The following SERPINA4 variants were observed in gnomAD, a reference collection of about 807,000 sequenced individuals.
The protein encoded by SERPINA4 is kallistatin.
Under a neutral mutation model 25.4 loss-of-function variants are expected in SERPINA4, and 24 were observed. That is an observed-to-expected ratio of 0.95 (90% confidence interval 0.69 to 1.33). SERPINA4 has a LOEUF of 1.33. Among genes scored for constraint, SERPINA4 ranks in the 40% most tolerant of loss-of-function variants. The probability of loss-of-function intolerance (pLI) is 0.00; values close to 1 mark genes in which losing one functional copy is unlikely to be tolerated. For synonymous variants in SERPINA4, 242 were observed against 223.6 expected (o/e 1.08, Z -0.73); for missense variants, 553 against 535.8 (o/e 1.03, Z -0.32).
chr14:94,569,802 T>A lies in SERPINA4; in HGVS notation c.*207T>A. ...CCACACCCTGGTGCTGTGCAGCCTCTGGCAGAGCATCCGACCTCTTGGAGC... is the reference window on the plus strand; with the variant it reads ...CCACACCCTGGTGCTGTGCAGCCTCAGGCAGAGCATCCGACCTCTTGGAGC... On this transcript the variant is annotated 3_prime_UTR_variant, in exon 5 of 5. Coordinates refer to ENST00000557004, the MANE Select transcript of SERPINA4 (RefSeq NM_006215.4). 1 of 599,432 alleles carries A rather than the reference T, an allele frequency of 1.7e-6. No individual in the cohort carries two copies. Among genetic ancestry groups the A allele is most frequent in the East Asian group, 2.8e-5 (1 of 35,534 alleles). 37.1% of individuals were successfully genotyped at this position (599,432 alleles called of 1,614,324 possible). A position where few individuals can be genotyped will look rare whatever the true frequency, so the allele number is the denominator to read the frequency against.
At chr14:94,565,054 A>G (rs1902160092) in intron 2 of SERPINA4, among the ~76,000 whole-genome samples, 1 of 152,204 alleles carries the variant, frequency 6.6e-6, no homozygotes, top group African/African-American at 2.4e-5. Flanking sequence ...AGTCAATGGT[A>G]AGGAGATCAT....
Position 94,563,659 on chromosome 14 carries a change from CT to C in SERPINA4, c.179del (p.Phe60SerfsTer6). The C allele has an allele frequency of 6.2e-7, 1 of 1,613,926 alleles. No homozygotes were observed. Among genetic ancestry groups the C allele is most frequent in the African/African-American group, 1.3e-5 (1 of 75,054 alleles). ...KIAPANADFA[F>X]RFYYLIASET... ...TAGCCCCTGCCAATGCTGACTTTGCCTTCCGCTTCTACTACCTGATCGCTTC... is the reference window on the plus strand; with the variant it reads ...TAGCCCCTGCCAATGCTGACTTTGCCTCCGCTTCTACTACCTGATCGCTTC... On this transcript the variant is annotated frameshift_variant, in exon 2 of 5. Coordinates refer to ENST00000557004, the MANE Select transcript of SERPINA4 (RefSeq NM_006215.4). LOFTEE classifies it high-confidence loss of function.
chr14:94,562,421 A>T (rs1346942123), intron 1 of SERPINA4, among the ~76,000 whole-genome samples: 6 of 151,954 alleles, frequency 3.9e-5, no homozygotes, highest in Non-Finnish European at 5.9e-5. Flanking sequence ...TCTATAAAAA[A>T]TTAGCTGGGT....
At chr14:94,566,510 C>A (rs552055330) in intron 2 of SERPINA4, among the ~76,000 whole-genome samples, 1 of 152,216 alleles carries the variant, frequency 6.6e-6, no homozygotes, top group South Asian at 2.1e-4. Context: ...ATCTACTCAC[C>A]TCCAAATCTT....
At chr14:94,569,279 T>G (rs1429639736) in intron 4 of SERPINA4, 116 bp from the exon 5 acceptor site, 9 of 896,802 alleles carry the variant, frequency 1.0e-5, no homozygotes, top group Non-Finnish European at 1.5e-5. Context: ...CCCCAAGAAA[T>G]GGCCTTGCAG....
Position 94,568,187 on chromosome 14 carries a change from G to A in SERPINA4, c.982G>A (p.Val328Ile), listed in dbSNP as rs144852673. ...LPKFSISGSY[V>I]LDQILPRLGF... ...CAAGTTCTCCATTTCTGGCTCCTAT[G>A]TATTAGATCAGATTTTGCCCAGGCT... Residue 328 changes from valine (V) to isoleucine (I), a missense_variant, in exon 4 of 5, where the codon GTA becomes ATA. Physicochemically the swap from Val to Ile is conservative, Grantham distance 29. Transcript: ENST00000557004. 6.2e-7 allele frequency: 1 copy of A among 1,614,238 alleles called. No homozygotes were observed. Among genetic ancestry groups the A allele is most frequent in the East Asian group, 2.2e-5 (1 of 44,886 alleles).
chr14:94,563,957 A>G lies in SERPINA4; in HGVS notation c.475A>G (p.Thr159Ala), dbSNP rs1450634979. 5 of 1,614,014 alleles carry G rather than the reference A, an allele frequency of 3.1e-6. No homozygotes were observed. The highest frequency in any genetic ancestry group is 4.2e-6 in the Non-Finnish European group (5 of 1,180,040). ...LKFLAKFLND[T>A]MAVYEAKLFH... is the part of the protein sequence containing the mutation. The stretch of plus-strand genomic sequence containing the variant: ...GTTCCTTGCAAAATTCCTGAATGAC[A>G]CCATGGCCGTCTATGAGGCTAAACT... Residue 159 changes from threonine to alanine, a missense_variant, in exon 2 of 5, where the codon ACC (threonine) becomes GCC (alanine). Thr to Ala is a moderately conservative substitution (Grantham distance 58). Coordinates refer to ENST00000557004, the MANE Select transcript of SERPINA4 (RefSeq NM_006215.4).
In SERPINA4 at chr14:94,563,808, T is replaced by C. The variant is rs1246950683; in HGVS notation, c.326T>C (p.Leu109Pro). ...SQILEGLGFN[L>P]TELSESDVHR... ...ATCCTTGAGGGCCTGGGCTTCAACC[T>C]CACCGAGCTGTCTGAGTCCGATGTC... is the stretch of plus-strand genomic sequence containing the variant. The change falls in exon 2 of 5, where the codon CTC becomes CCC. Residue 109 changes from leucine to proline, a missense_variant. Coordinates refer to ENST00000557004, the MANE Select transcript of SERPINA4 (RefSeq NM_006215.4). The C allele has an allele frequency of 3.1e-6, 5 of 1,614,118 alleles. No individual in the cohort carries two copies. In the South Asian group the frequency reaches 4.4e-5, roughly 14 times the overall value.
rs1053178152 is a variant in SERPINA4, at chr14:94,569,342, C to G, written c.1084-53C>G. 8 of 1,560,176 alleles carry G rather than the reference C, an allele frequency of 5.1e-6. No individual in the cohort carries two copies. The African/African-American group carries it at 6.8e-5, about 13-fold the overall frequency. ...CAATTTCTGGCTCTCGCAGTCTTGT[C>G]CAGGCCCCCTCTCTTGCTGGCTTGG... On this transcript the variant is annotated intron_variant, in intron 4 of 4. Coordinates refer to ENST00000557004, the MANE Select transcript of SERPINA4 (RefSeq NM_006215.4).
chr14:94,569,418 C>A lies in SERPINA4; in HGVS notation c.1107C>A (p.Asp369Glu), dbSNP rs369052935. The change falls in exon 5 of 5, where the codon GAC becomes GAA. Residue 369 changes from aspartate (D) to glutamate (E), a missense_variant. By Grantham distance (45) the Asp-to-Glu change is conservative. Transcript: ENST00000557004. ...ASKSFHKATL[D>E]VDEAGTEAAA... Reference sequence around the variant, plus strand: ...AGAGTTTCCACAAGGCCACCTTGGACGTGGATGAGGCTGGCACCGAGGCTG... The same window carrying A: ...AGAGTTTCCACAAGGCCACCTTGGAAGTGGATGAGGCTGGCACCGAGGCTG... 6.2e-7 allele frequency: 1 copy of A among 1,614,028 alleles called. No homozygotes were observed. The highest frequency in any genetic ancestry group is 2.2e-5 in the East Asian group (1 of 44,876).
In SERPINA4 at chr14:94,568,289, G is replaced by GT; in HGVS notation, c.1083+2dup. The GT allele has an allele frequency of 6.2e-7, 1 of 1,614,180 alleles. No individual in the cohort carries two copies. The highest frequency in any genetic ancestry group is 1.1e-5 in the South Asian group (1 of 91,082). The stretch of plus-strand genomic sequence containing the variant: ...ACAGCAAAAACTGGAGGCATCCAAA[G>GT]TAAGTCGTCAACAGTCAGCAATCCC... On this transcript the variant is annotated splice_donor_variant, in intron 4 of 4. Transcript: ENST00000557004. LOFTEE classifies it high-confidence loss of function.
Position 94,563,569 on chromosome 14 carries a change from G to C in SERPINA4, c.87G>C (p.Glu29Asp), listed in dbSNP as rs542415904. ...HGQLHVEHDG[E>D]SCSNSSHQQI... ...AGCTGCACGTTGAGCATGATGGTGA[G>C]AGTTGCAGTAACAGCTCCCACCAGC... The change falls in exon 2 of 5, where the codon GAG becomes GAC. Residue 29 changes from glutamate to aspartate, a missense_variant. Transcript: ENST00000557004. The C allele has an allele frequency of 1.9e-6, 3 of 1,614,098 alleles. No homozygotes were observed. Among genetic ancestry groups the C allele is most frequent in the African/African-American group, 1.3e-5 (1 of 75,056 alleles).
intron 1 of SERPINA4, chr14:94,561,871 T>G: frequency 7.8e-7 from 1 of 1,289,322 alleles, no homozygotes; most frequent in Non-Finnish European, 1.0e-6. Context: ...GTCCTATGTA[T>G]GTTTCTAAAT....
chr14:94,569,648 C>T lies in SERPINA4; in HGVS notation c.*53C>T. The T allele has an allele frequency of 1.3e-6, 2 of 1,581,842 alleles. No individual in the cohort carries two copies. Among genetic ancestry groups the T allele is most frequent in the Non-Finnish European group, 1.7e-6 (2 of 1,152,104 alleles). ...AGCAGGAGGATGTGGCAGGGGAGGG[C>T]TGGGAGTGAGTAGCTCTGTGTTTAG... On this transcript the variant is annotated 3_prime_UTR_variant, in exon 5 of 5. Transcript: ENST00000557004.
chr14:94,569,630 G>C lies in SERPINA4; in HGVS notation c.*35G>C. ...GGCTGCTCATCTGTTCCAAGCAGGAGGATGTGGCAGGGGAGGGCTGGGAGT... is the reference window on the plus strand; with the variant it reads ...GGCTGCTCATCTGTTCCAAGCAGGACGATGTGGCAGGGGAGGGCTGGGAGT... On this transcript the variant is annotated 3_prime_UTR_variant, in exon 5 of 5. Transcript: ENST00000557004. 1 of 1,607,936 alleles carries C rather than the reference G, an allele frequency of 6.2e-7. No homozygotes were observed. Among genetic ancestry groups the C allele is most frequent in the Non-Finnish European group, 8.5e-7 (1 of 1,174,702 alleles).
At chr14:94,568,041 G>C in intron 3 of SERPINA4, 88 bp from the exon 4 acceptor site, 1 of 1,357,680 alleles carries the variant, frequency 7.4e-7, no homozygotes, top group Non-Finnish European at 1.0e-6. Flanking sequence ...AATAGAGCCA[G>C]CTAGAGAGGG....
At chr14:94,569,364 T>C in intron 4 of SERPINA4, 31 bp from the exon 5 acceptor site, 1 of 1,606,798 alleles carries the variant, frequency 6.2e-7, no homozygotes. Flanking sequence ...TCTTGCTGGC[T>C]TGGAGATAAT....
Position 94,562,390 on chromosome 14 carries a change from G to A in SERPINA4, c.-18+896G>A, listed in dbSNP as rs913474192. Among the ~76,000 whole-genome samples the A allele has an allele frequency of 5.9e-5, 9 of 152,086 alleles. No individual in the cohort carries two copies. In the South Asian group the frequency reaches 1.0e-3, roughly 18 times the overall value. On this transcript the variant is annotated intron_variant, in intron 1 of 4. Transcript: ENST00000557004. ...GTCTAGGAGTTGGAGACCAGCTTGG[G>A]CAGCATGGTGAGACCCCAACTCTAT...
intron 2 of SERPINA4, 135 bp downstream of exon 2, chr14:94,564,266 G>A (rs1902133194): frequency 1.2e-6 from 1 of 824,504 alleles, no homozygotes; most frequent in African/African-American, 1.7e-5. Flanking sequence ...CAACCCTCAG[G>A]GAATGCAATG....
Sources: gnomAD v4.1 joint callset for allele counts (sites outside exome capture counted in the v4.1 genomes callset) on GRCh38, gnomAD v4.1.1 for gene constraint, MANE v1.5 for transcripts, NCBI Gene and HGNC (gene_info 2026-07-23, HGNC 2026-07-21) for gene names.